ARHGAP5: variants seen among roughly 807,000 people sequenced by gnomAD.
The protein encoded by ARHGAP5 is rho GTPase-activating protein 5.
Under a neutral mutation model 116.6 loss-of-function variants are expected in ARHGAP5, and 23 were observed. The ratio of observed to expected loss-of-function variants is 0.20; its 90% CI spans 0.14 to 0.28. ARHGAP5 has a LOEUF of 0.28. Ranked by LOEUF, ARHGAP5 falls within the 10% of genes least tolerant of loss-of-function variation. ARHGAP5 has a pLI of 1.00. For missense variants in ARHGAP5, 1,405 were observed against 1,774.8 expected (o/e 0.79, Z 3.74); for synonymous variants, 574 against 602.0 (o/e 0.95, Z 0.68).
intron 2 of ARHGAP5, among the ~76,000 whole-genome samples, chr14:32,096,946 C>T (rs1264147718): frequency 6.6e-6 from 1 of 152,148 alleles, no homozygotes; most frequent in Non-Finnish European, 1.5e-5. Context: ...CGACTAACCT[C>T]TGAAAACCAA....
chr14:32,079,694 G>A (rs538080211), intron 1 of ARHGAP5, among the ~76,000 whole-genome samples: 3 of 152,134 alleles, frequency 2.0e-5, no homozygotes, highest in Admixed American at 6.5e-5. Context: ...TACCAACATT[G>A]GCAGGATGTA....
intron 5 of ARHGAP5, 28 bp from the exon 6 acceptor site, chr14:32,152,395 C>T (rs1357758185): frequency 1.4e-6 from 2 of 1,425,140 alleles, no homozygotes; most frequent in Non-Finnish European, 2.0e-6. Context: ...AAGTTTTACA[C>T]AGATTCTTCA....
intron 1 of ARHGAP5, among the ~76,000 whole-genome samples, chr14:32,089,411 T>C (rs1407769843): frequency 6.6e-6 from 1 of 151,912 alleles, no homozygotes; most frequent in East Asian, 1.9e-4. Flanking sequence ...AGTGATTTTT[T>C]CCTATCTTAT....
intron 2 of ARHGAP5, among the ~76,000 whole-genome samples, chr14:32,101,943 A>G (rs1594355012): frequency 6.6e-6 from 1 of 152,298 alleles, no homozygotes; most frequent in African/African-American, 2.4e-5. Context: ...AGATCGTGCC[A>G]CTGCACTCCA....
At chr14:32,141,830 A>G (rs1005634367) in intron 3 of ARHGAP5, among the ~76,000 whole-genome samples, 2 of 152,138 alleles carry the variant, frequency 1.3e-5, no homozygotes, top group African/African-American at 2.4e-5. Context: ...TAAATATATC[A>G]TTCTACTGTC....
chr14:32,131,101 AG>A (rs777549692), intron 3 of ARHGAP5, among the ~76,000 whole-genome samples: 2 of 152,202 alleles, frequency 1.3e-5, no homozygotes, highest in African/African-American at 2.4e-5. Context: ...ATACATGTTT[AG>A]GAAATTTAAT....
rs1457689912 is a variant in ARHGAP5, at chr14:32,137,215, C to A, written c.3866-9048C>A. On this transcript the variant is annotated intron_variant, in intron 3 of 6. Coordinates refer to ENST00000345122, the MANE Select transcript of ARHGAP5 (RefSeq NM_001030055.2). ...ATCCCTAGGTTTTATAGGGTTTGCTCTTACATTTAGGTCTTTAATATATTT... is the reference window on the plus strand; with the variant it reads ...ATCCCTAGGTTTTATAGGGTTTGCTATTACATTTAGGTCTTTAATATATTT... Among the ~76,000 whole-genome samples, 5 of 149,352 alleles carry A rather than the reference C, an allele frequency of 3.3e-5. No individual in the cohort carries two copies. The Admixed American group carries it at 3.4e-4, about 10-fold the overall frequency.
At position 32,159,376 on chromosome 14, in the gene ARHGAP5, A is replaced by G. The variant is rs1416606623; in HGVS notation, c.*4428A>G. 1 of 152,096 alleles carries G rather than the reference A, an allele frequency of 6.6e-6. No individual in the cohort carries two copies. The highest frequency in any genetic ancestry group is 2.4e-5 in the African/African-American group (1 of 41,426). The allele number at this position is 152,096 out of a possible 1,614,324, so 9.4% of individuals were successfully genotyped here. On this transcript the variant is annotated 3_prime_UTR_variant, in exon 7 of 7. Coordinates refer to ENST00000345122, the MANE Select transcript of ARHGAP5 (RefSeq NM_001030055.2). ...AATTTAATAACGGCCCTCCTGTTCT[A>G]GTTTGCCTAATATTTTAGTTAAGAT...
chr14:32,097,312 G>A (rs1017983486), intron 2 of ARHGAP5, among the ~76,000 whole-genome samples: 1 of 152,102 alleles, frequency 6.6e-6, no homozygotes, highest in African/African-American at 2.4e-5. Flanking sequence ...TATATCAGAT[G>A]TGCAAAGGGT....
rs1428870148 is a variant in ARHGAP5 at position 32,091,471 on chromosome 14, CTTG to C, written c.807_809del (p.Val270del). 1.2e-6 allele frequency: 2 copies of C among 1,612,996 alleles called. No homozygotes were observed. The highest frequency in any genetic ancestry group is 1.3e-5 in the African/African-American group (1 of 74,974). On this transcript the variant is annotated inframe_deletion, in exon 2 of 7. Transcript: ENST00000345122. ...GGATGCTTATAAAACACAGAGACAACTTGTTGTCACAGCAACAGATAAGTTTGA... is the reference window on the plus strand; with the variant it reads ...GGATGCTTATAAAACACAGAGACAACTTGTCACAGCAACAGATAAGTTTGA...
chr14:32,117,331 A>G (rs1249577338), intron 3 of ARHGAP5, 44 bp downstream of exon 3: 2 of 1,497,258 alleles, frequency 1.3e-6, no homozygotes, highest in Non-Finnish European at 1.8e-6. Context: ...TTTAAATTTC[A>G]CTTTTGATAC....
At chr14:32,149,766 T>C in intron 4 of ARHGAP5, 136 bp from the exon 5 acceptor site, 1 of 437,948 alleles carries the variant, frequency 2.3e-6, no homozygotes, top group Admixed American at 4.6e-5. Context: ...AAAGTAAAAC[T>C]CAGTCTCAAA....
intron 3 of ARHGAP5, among the ~76,000 whole-genome samples, chr14:32,134,629 G>T (rs1880690200): frequency 6.6e-6 from 1 of 152,086 alleles, no homozygotes; most frequent in African/African-American, 2.4e-5. Context: ...CAGTATCAGG[G>T]ACAATATATT....
chr14:32,136,214 C>T (rs1880786827), intron 3 of ARHGAP5, among the ~76,000 whole-genome samples: 2 of 152,060 alleles, frequency 1.3e-5, no homozygotes, highest in Non-Finnish European at 2.9e-5. Flanking sequence ...GTTGTGCAAC[C>T]ATCACCTCTG....
chr14:32,093,958 A>G lies in ARHGAP5; in HGVS notation c.3289A>G (p.Thr1097Ala), dbSNP rs747429491. 6 of 1,613,912 alleles carry G rather than the reference A, an allele frequency of 3.7e-6. No individual in the cohort carries two copies. In the South Asian group the frequency reaches 6.6e-5, roughly 18 times the overall value. ...AGATAACTATGCGGAACCCATTGAT[A>G]CAATTTTCAAACAGAAGGGCTATTC... The part of the protein sequence containing the change: ...PSDNYAEPID[T>A]IFKQKGYSDE... The change falls in exon 2 of 7, where the codon ACA becomes GCA. Residue 1097 changes from threonine to alanine, a missense_variant. Coordinates refer to ENST00000345122, the MANE Select transcript of ARHGAP5 (RefSeq NM_001030055.2).
intron 3 of ARHGAP5, among the ~76,000 whole-genome samples, chr14:32,121,327 G>A (rs1879878540): frequency 6.6e-6 from 1 of 151,986 alleles, no homozygotes; most frequent in South Asian, 2.1e-4. Flanking sequence ...AGTAGTGTTT[G>A]TGATATATCT....
Position 32,128,932 on chromosome 14 carries a change from C to T in ARHGAP5, c.3865+11645C>T, listed in dbSNP as rs564340066. Among the ~76,000 whole-genome samples, 11 of 152,208 alleles carry T rather than the reference C, an allele frequency of 7.2e-5. No individual in the cohort carries two copies. In the South Asian group the frequency reaches 2.3e-3, roughly 32 times the overall value. ...AATGGTATATTTAATGACTGTGTTC[C>T]CTGGTTTTAAAAGTGCACTGTCTTC... On this transcript the variant is annotated intron_variant, in intron 3 of 6. Coordinates refer to ENST00000345122, the MANE Select transcript of ARHGAP5 (RefSeq NM_001030055.2).
intron 2 of ARHGAP5, among the ~76,000 whole-genome samples, chr14:32,108,601 G>A (rs910837114): frequency 5.9e-5 from 9 of 152,068 alleles, no homozygotes; most frequent in African/African-American, 1.9e-4. Context: ...GGAAGGGAGA[G>A]GAAGGTAGGT....
At chr14:32,144,420 G>C (rs1468825122) in intron 3 of ARHGAP5, among the ~76,000 whole-genome samples, 1 of 151,398 alleles carries the variant, frequency 6.6e-6, no homozygotes, top group African/African-American at 2.4e-5. Flanking sequence ...GAGCCCACTT[G>C]GTGAGTTGTT....
Sources: gnomAD v4.1 joint callset for allele counts (sites outside exome capture counted in the v4.1 genomes callset) on GRCh38, gnomAD v4.1.1 for gene constraint, MANE v1.5 for transcripts, NCBI Gene and HGNC (gene_info 2026-07-23, HGNC 2026-07-21) for gene names.